Variants in TRPC4AP observed in about 807,000 individuals in gnomAD.
TRPC4AP encodes the protein short transient receptor potential channel 4-associated protein.
TRPC4AP carries 45 observed loss-of-function variants against 99.0 expected under a neutral mutation model. The observed-to-expected ratio is 0.45, with a 90% CI of 0.36 to 0.58. TRPC4AP has a LOEUF of 0.58. TRPC4AP is among the 20% of genes least tolerant of loss of function. The pLI, the probability that TRPC4AP is intolerant of heterozygous loss-of-function variation, is 0.00. For synonymous variants in TRPC4AP, 408 were observed against 385.8 expected, an observed-to-expected ratio of 1.06 and a Z score of -0.67; for missense variants, 879 against 985.3, an observed-to-expected ratio of 0.89 and a Z score of 1.44.
Position 35,086,523 on chromosome 20 carries a change from ATATG to A in TRPC4AP, c.168+6087_168+6090del, listed in dbSNP as rs1288041944. On this transcript the variant is annotated intron_variant, in intron 1 of 18. Transcript: ENST00000252015. ...TGTATATATATGTGTGTGTGTGTAT[ATATG>A]TGTGTGTGTGTGTGTGTGTGTGTGT... 2.5e-4 allele frequency among the ~76,000 whole-genome samples: 25 copies of A among 99,144 alleles called. 1 individual carries two copies. In the South Asian group the frequency reaches 4.4e-3, roughly 17 times the overall value. 65.0% of individuals were successfully genotyped at this position (99,144 alleles called of 152,430 possible).
At chr20:35,084,480 GTATA>G (rs1280026504) in intron 1 of TRPC4AP, among the ~76,000 whole-genome samples, 1 of 118,766 alleles carries the variant, frequency 8.4e-6, no homozygotes. Flanking sequence ...GTATATATGT[GTATA>G]TATGTATATA....
At chr20:35,069,254 AAGCAGTAGTAAC>A (rs757217670) in intron 3 of TRPC4AP, 30 bp downstream of exon 3, 8 of 1,110,508 alleles carry the variant, frequency 7.2e-6, no homozygotes, top group Admixed American at 2.0e-5. Flanking sequence ...CCAAACCATT[AAGCAGTAGTAAC>A]AGCAGTAGTA....
chr20:35,089,982 T>C (rs1357788319), intron 1 of TRPC4AP, among the ~76,000 whole-genome samples: 1 of 151,462 alleles, frequency 6.6e-6, no homozygotes, highest in African/African-American at 2.4e-5. Context: ...TAATGGGGTG[T>C]GGTGGCACAC....
chr20:35,065,097 G>A (rs932633858), intron 3 of TRPC4AP, among the ~76,000 whole-genome samples: 9 of 152,170 alleles, frequency 5.9e-5, no homozygotes, highest in African/African-American at 2.2e-4. Flanking sequence ...CAAGTGCATA[G>A]AATGTATTTA....
intron 6 of TRPC4AP, among the ~76,000 whole-genome samples, chr20:35,049,115 T>TG (rs1212288047): frequency 1.3e-5 from 2 of 152,306 alleles, no homozygotes; most frequent in African/African-American, 4.8e-5. Flanking sequence ...AGATTAGGAC[T>TG]GGGGAGGTGA....
At chr20:35,078,991 G>A (rs112438364) in intron 1 of TRPC4AP, among the ~76,000 whole-genome samples, 11 of 152,234 alleles carry the variant, frequency 7.2e-5, no homozygotes, top group Non-Finnish European at 1.2e-4. Flanking sequence ...GCTTGAACTC[G>A]GGAGGCAGAG....
intron 8 of TRPC4AP, among the ~76,000 whole-genome samples, chr20:35,024,099 C>G (rs1334971557): frequency 2.0e-5 from 3 of 150,998 alleles, no homozygotes; most frequent in African/African-American, 7.3e-5. Flanking sequence ...TCTGTCTGCA[C>G]TGCACTGTTT....
Position 35,029,839 on chromosome 20 carries a change from C to T in TRPC4AP, c.1051+5284G>A, listed in dbSNP as rs547891246. Among the ~76,000 whole-genome samples, 266 of 147,982 alleles carry T rather than the reference C, an allele frequency of 1.8e-3. 4 individuals are homozygous for T. The highest frequency in any genetic ancestry group is 3.5e-3 in the Middle Eastern group (1 of 288). On this transcript the variant is annotated intron_variant, in intron 8 of 18. Coordinates refer to ENST00000252015, the MANE Select transcript of TRPC4AP (RefSeq NM_015638.3). ...TTTTAGTAGAGACGGGGTTTCACCACGTTAGCCAGGGTGGTCTCGATCTCC... is the reference window on the plus strand; with the variant it reads ...TTTTAGTAGAGACGGGGTTTCACCATGTTAGCCAGGGTGGTCTCGATCTCC...
At chr20:35,049,726 G>C in intron 6 of TRPC4AP, 140 bp downstream of exon 6, 2 of 1,002,988 alleles carry the variant, frequency 2.0e-6, no homozygotes, top group Non-Finnish European at 2.8e-6. Flanking sequence ...GGGTAATCAA[G>C]TTTTATACTT....
At chr20:35,035,531 G>T (rs1227698679) in intron 7 of TRPC4AP, among the ~76,000 whole-genome samples, 2 of 152,156 alleles carry the variant, frequency 1.3e-5, no homozygotes, top group East Asian at 3.8e-4. Flanking sequence ...TATCTACTGG[G>T]AATATAAATT....
intron 3 of TRPC4AP, among the ~76,000 whole-genome samples, chr20:35,067,025 C>T (rs2084162744): frequency 6.6e-6 from 1 of 152,132 alleles, no homozygotes. Flanking sequence ...ACACAATATT[C>T]AAAAGAGATA....
rs749111270 is a variant in TRPC4AP, at chr20:35,015,990, C to CG, written c.1350+17dup. ...AAGCCAGTGAGGCCCCATCTGTCCCCGGGGGTCTCCTGCTTACCGGGCTAC... is the reference window on the plus strand; with the variant it reads ...AAGCCAGTGAGGCCCCATCTGTCCCCGGGGGGTCTCCTGCTTACCGGGCTAC... On this transcript the variant is annotated intron_variant, in intron 10 of 18. Coordinates refer to ENST00000252015, the MANE Select transcript of TRPC4AP (RefSeq NM_015638.3). 6.2e-7 allele frequency: 1 copy of CG among 1,614,020 alleles called. No individual in the cohort carries two copies. The highest frequency in any genetic ancestry group is 8.5e-7 in the Non-Finnish European group (1 of 1,179,926).
chr20:35,010,559 G>C (rs1207975005), intron 11 of TRPC4AP, among the ~76,000 whole-genome samples: 3 of 152,030 alleles, frequency 2.0e-5, no homozygotes, highest in Admixed American at 6.6e-5. Context: ...GCAGCTCTGG[G>C]CCTTTCTCTT....
intron 8 of TRPC4AP, among the ~76,000 whole-genome samples, chr20:35,023,922 A>C (rs528714472): frequency 1.5e-4 from 23 of 152,350 alleles, no homozygotes; most frequent in Non-Finnish European, 1.9e-4. Flanking sequence ...CGCAGGCCTG[A>C]CAAGACTTTC....
At chr20:35,078,285 T>C in intron 1 of TRPC4AP, 111 bp from the exon 2 acceptor site, 1 of 1,140,020 alleles carries the variant, frequency 8.8e-7, no homozygotes, top group South Asian at 1.6e-5. Context: ...TACAAATTTA[T>C]CTCTAAGCAC....
intron 11 of TRPC4AP, among the ~76,000 whole-genome samples, chr20:35,011,723 T>C (rs2082641900): frequency 6.6e-6 from 1 of 152,218 alleles, no homozygotes; most frequent in Non-Finnish European, 1.5e-5. Flanking sequence ...ACAATGGTCT[T>C]CCCTCGTTCA....
Position 35,002,774 on chromosome 20 carries a change from T to G in TRPC4AP, c.*372A>C. The G allele has an allele frequency of 1.0e-5, 2 of 195,078 alleles. No individual in the cohort carries two copies. The highest frequency in any genetic ancestry group is 1.4e-4 in the East Asian group (1 of 7,316). The allele number at this position is 195,078 out of a possible 1,614,324, so 12.1% of individuals were successfully genotyped here. A position where few individuals can be genotyped will look rare whatever the true frequency, so the allele number is the denominator to read the frequency against. On this transcript the variant is annotated 3_prime_UTR_variant, in exon 19 of 19. Transcript: ENST00000252015. Reference sequence around the variant, plus strand: ...GGACAAGGGAGGCTTGGCTCACAGATGGGGGGTGGGGGTCACCCATATCTT... The same window carrying G: ...GGACAAGGGAGGCTTGGCTCACAGAGGGGGGGTGGGGGTCACCCATATCTT...
intron 8 of TRPC4AP, among the ~76,000 whole-genome samples, chr20:35,024,483 CT>C (rs1489102890): frequency 1.3e-5 from 2 of 152,130 alleles, no homozygotes; most frequent in East Asian, 1.9e-4. Context: ...GTTGTAGCCC[CT>C]ATCAGCATTC....
chr20:35,062,533 C>T (rs547021003), intron 3 of TRPC4AP, among the ~76,000 whole-genome samples: 4 of 152,216 alleles, frequency 2.6e-5, no homozygotes, highest in African/African-American at 9.6e-5. Flanking sequence ...CGTTATGACA[C>T]GGATTAACCT....
Sources: allele counts gnomAD v4.1 joint callset (sites outside exome capture counted in the v4.1 genomes callset), GRCh38; gene constraint gnomAD v4.1.1; transcripts MANE v1.5; gene names NCBI Gene and HGNC (gene_info 2026-07-23, HGNC 2026-07-21).